The following CEP112 variants were observed in gnomAD, a reference collection of about 807,000 sequenced individuals.
CEP112 encodes centrosomal protein 112.
In CEP112, 127 loss-of-function variants were observed where a neutral mutation model predicts 153.0. The observed-to-expected ratio is 0.83, with a 90% CI of 0.72 to 0.96. The LOEUF (loss-of-function observed/expected upper bound fraction) is 0.96, where lower values mean the gene tolerates loss of function less well. Among genes scored for constraint, CEP112 ranks in the 40% least tolerant of loss-of-function variants. CEP112 has a pLI of 0.00. For missense variants in CEP112, 1,089 were observed against 1,101.2 expected, an observed-to-expected ratio of 0.99 and a Z score of 0.16; for synonymous variants, 358 against 374.4, an observed-to-expected ratio of 0.96 and a Z score of 0.51.
chr17:66,116,248 C>T (rs1045978270), intron 6 of CEP112, among the ~76,000 whole-genome samples: 1 of 151,982 alleles, frequency 6.6e-6, no homozygotes, highest in East Asian at 1.9e-4. Flanking sequence ...CCATTATGAT[C>T]TCTTTTCAAC....
At chr17:65,682,772 C>T (rs908779183) in intron 24 of CEP112, among the ~76,000 whole-genome samples, 1 of 152,172 alleles carries the variant, frequency 6.6e-6, no homozygotes, top group African/African-American at 2.4e-5. Context: ...ATGTTCTGCT[C>T]TTCACTCTGC....
At chr17:65,767,429 A>G (rs2053052561) in intron 21 of CEP112, among the ~76,000 whole-genome samples, 2 of 152,098 alleles carry the variant, frequency 1.3e-5, no homozygotes, top group Non-Finnish European at 2.9e-5. Context: ...AAATGTCTAC[A>G]TTTAAAAAGA....
At chr17:66,167,151 A>T (rs1002915345) in intron 4 of CEP112, among the ~76,000 whole-genome samples, 3 of 152,192 alleles carry the variant, frequency 2.0e-5, no homozygotes, top group African/African-American at 7.2e-5. Flanking sequence ...TTTCTCAGGG[A>T]ATACAAAATG....
intron 6 of CEP112, among the ~76,000 whole-genome samples, chr17:66,120,864 ATCT>A (rs768374910): frequency 0.95 from 143,761 of 151,978 alleles, 68,081 homozygotes; most frequent in East Asian, 0.98. Flanking sequence ...TTCTACTTTA[ATCT>A]TTATTATTTC....
chr17:65,854,838 T>C (rs1177862548), intron 20 of CEP112, among the ~76,000 whole-genome samples: 2 of 152,202 alleles, frequency 1.3e-5, no homozygotes, highest in Non-Finnish European at 2.9e-5. Flanking sequence ...AATGATTCTT[T>C]TGAACCCAAG....
At chr17:65,687,268 G>A (rs2047851858) in intron 24 of CEP112, among the ~76,000 whole-genome samples, 1 of 144,004 alleles carries the variant, frequency 6.9e-6, no homozygotes, top group Admixed American at 7.5e-5. Flanking sequence ...CCCAGTTCAA[G>A]CAATTCTCCT....
At chr17:66,168,527 G>GTA (rs1003280032) in intron 4 of CEP112, among the ~76,000 whole-genome samples, 13 of 150,870 alleles carry the variant, frequency 8.6e-5, no homozygotes, top group Non-Finnish European at 1.2e-4. Context: ...GTATATATAT[G>GTA]TATATATGTG....
chr17:65,806,971 G>C (rs919514686), intron 21 of CEP112, among the ~76,000 whole-genome samples: 3 of 152,132 alleles, frequency 2.0e-5, no homozygotes, highest in African/African-American at 7.2e-5. Context: ...CAGTTTGGAG[G>C]GCTCAAAAGA....
chr17:65,838,446 T>G (rs1462988501), intron 21 of CEP112, among the ~76,000 whole-genome samples: 1 of 152,118 alleles, frequency 6.6e-6, no homozygotes, highest in East Asian at 1.9e-4. Context: ...TAAAATTTCT[T>G]GAGACAAATG....
At chr17:65,718,408 CAA>C (rs775958879) in intron 23 of CEP112, among the ~76,000 whole-genome samples, 7 of 94,988 alleles carry the variant, frequency 7.4e-5, no homozygotes, top group Admixed American at 1.1e-4. Flanking sequence ...AACTCCATCT[CAA>C]AAAAAAAAAA....
intron 22 of CEP112, among the ~76,000 whole-genome samples, chr17:65,744,014 C>T (rs745883848): frequency 2.6e-5 from 4 of 152,100 alleles, no homozygotes; most frequent in African/African-American, 7.2e-5. Context: ...CCACCCACCT[C>T]GGCATCCCAA....
At chr17:65,902,387 G>T in intron 19 of CEP112, 53 bp from the exon 20 acceptor site, 2 of 1,484,404 alleles carry the variant, frequency 1.3e-6, no homozygotes, top group South Asian at 1.2e-5. Context: ...TTGTCGTCAT[G>T]ACAACTCATG....
chr17:65,747,125 T>C (rs1355642481), intron 22 of CEP112, among the ~76,000 whole-genome samples: 1 of 152,162 alleles, frequency 6.6e-6, no homozygotes, highest in African/African-American at 2.4e-5. Context: ...CTCATTCTAT[T>C]GCTTTTCAGT....
intron 17 of CEP112, among the ~76,000 whole-genome samples, chr17:65,965,887 C>T (rs1599170554): frequency 6.6e-6 from 1 of 152,090 alleles, no homozygotes; most frequent in Non-Finnish European, 1.5e-5. Flanking sequence ...GGGAAAGATC[C>T]ATTTTAATTT....
chr17:66,125,937 C>A (rs1185752609), intron 6 of CEP112, among the ~76,000 whole-genome samples: 1 of 152,122 alleles, frequency 6.6e-6, no homozygotes, highest in Non-Finnish European at 1.5e-5. Context: ...TTTAAACCAT[C>A]AGTCAATAAT....
chr17:65,665,255 C>T (rs1217107962), intron 24 of CEP112, among the ~76,000 whole-genome samples: 1 of 152,206 alleles, frequency 6.6e-6, no homozygotes, highest in Non-Finnish European at 1.5e-5. Flanking sequence ...TAGCCCTACA[C>T]CAAACTGCTG....
chr17:65,926,568 C>T (rs931361228), intron 19 of CEP112, among the ~76,000 whole-genome samples: 7 of 152,014 alleles, frequency 4.6e-5, no homozygotes, highest in Non-Finnish European at 5.9e-5. Flanking sequence ...CAAAATTTAG[C>T]CGGACGTGGT....
At chr17:66,088,726 A>T (rs947946394) in intron 8 of CEP112, among the ~76,000 whole-genome samples, 12 of 152,082 alleles carry the variant, frequency 7.9e-5, no homozygotes, top group Admixed American at 4.6e-4. Context: ...TGACTAACAG[A>T]CCCAGGGTCC....
intron 23 of CEP112, among the ~76,000 whole-genome samples, chr17:65,712,593 T>C (rs1212768073): frequency 6.6e-6 from 1 of 152,228 alleles, no homozygotes; most frequent in East Asian, 1.9e-4. Flanking sequence ...TCTATCTGAC[T>C]GGCAAAGCCC....
Sources: gnomAD v4.1 joint callset for allele counts (sites outside exome capture counted in the v4.1 genomes callset) on GRCh38, gnomAD v4.1.1 for gene constraint, MANE v1.5 for transcripts, NCBI Gene and HGNC (gene_info 2026-07-23, HGNC 2026-07-21) for gene names.